Variants in BICC1 observed in about 807,000 individuals in gnomAD.
BICC1 encodes the protein protein bicaudal C homolog 1.
Under a neutral mutation model 111.0 loss-of-function variants are expected in BICC1, and 43 were observed. The ratio of observed to expected loss-of-function variants is 0.39; its 90% CI spans 0.30 to 0.50. BICC1 has a LOEUF of 0.50. Ranked by LOEUF, BICC1 falls within the 20% of genes least tolerant of loss-of-function variation. BICC1 has a pLI of 0.88. For synonymous variants in BICC1, 467 were observed against 434.4 expected (o/e 1.07, Z -0.93); for missense variants, 1,091 against 1,203.2 (o/e 0.91, Z 1.38).
chr10:58,785,105 G>A, intron 4 of BICC1, 25 bp downstream of exon 4: 1 of 1,432,654 alleles, frequency 7.0e-7, no homozygotes. Context: ...AGGACACTCA[G>A]ATGTCAGAAC....
At chr10:58,613,585 A>G (rs2132114627) in intron 1 of BICC1, among the ~76,000 whole-genome samples, 1 of 152,286 alleles carries the variant, frequency 6.6e-6, no homozygotes, top group East Asian at 1.9e-4. Context: ...CCAGCTCTCT[A>G]ATGGTCTCCA....
chr10:58,779,905 T>A (rs1312877872), intron 3 of BICC1, among the ~76,000 whole-genome samples: 1 of 152,240 alleles, frequency 6.6e-6, no homozygotes, highest in Non-Finnish European at 1.5e-5. Context: ...CTGAGATTTT[T>A]TTCACAAAAT....
intron 1 of BICC1, among the ~76,000 whole-genome samples, chr10:58,523,591 A>G (rs1018497698): frequency 4.6e-5 from 7 of 152,230 alleles, no homozygotes; most frequent in Non-Finnish European, 7.3e-5. Flanking sequence ...ACCCACAGCC[A>G]GTATCATATT....
chr10:58,587,386 A>G (rs984495505), intron 1 of BICC1, among the ~76,000 whole-genome samples: 7 of 152,228 alleles, frequency 4.6e-5, no homozygotes, highest in African/African-American at 1.4e-4. Context: ...CCTATGGCCC[A>G]GATGCTTTAT....
intron 1 of BICC1, among the ~76,000 whole-genome samples, chr10:58,576,842 G>GA (rs1844127569): frequency 6.6e-6 from 1 of 152,146 alleles, no homozygotes; most frequent in Non-Finnish European, 1.5e-5. Flanking sequence ...TAATGAGAGA[G>GA]AAAGAAAGTT....
intron 2 of BICC1, among the ~76,000 whole-genome samples, chr10:58,692,311 C>T (rs1839933885): frequency 6.6e-6 from 1 of 152,090 alleles, no homozygotes; most frequent in African/African-American, 2.4e-5. Context: ...TTAGCTAAGC[C>T]TGCCTATAGT....
chr10:58,562,797 G>A (rs1843645729), intron 1 of BICC1, among the ~76,000 whole-genome samples: 1 of 151,910 alleles, frequency 6.6e-6, no homozygotes, highest in South Asian at 2.1e-4. Flanking sequence ...GTTTGGTAGA[G>A]TGTTTTCATT....
Position 58,798,443 on chromosome 10 carries a change from C to T in BICC1, c.1411C>T (p.Pro471Ser), listed in dbSNP as rs1278706921. The T allele has an allele frequency of 1.9e-6, 3 of 1,612,524 alleles. No homozygotes were observed. ...CTTATCTCTGAACACTTCAACAACC[C>T]CAAACTCACTCTTGAATGCTCTTAA... ...TTLSLNTSTT[P>S]NSLLNALNSS... The change falls in exon 11 of 21, where the codon CCA becomes TCA. Residue 471 changes from proline to serine, a missense_variant. By Grantham distance (74) the Pro-to-Ser change is moderately conservative. Around this residue, in one of 3 missense-constraint regions of BICC1, gnomAD observed 843 missense variants for 900.8 expected, o/e 0.94. Coordinates refer to ENST00000373886, the MANE Select transcript of BICC1 (RefSeq NM_001080512.3).
intron 2 of BICC1, among the ~76,000 whole-genome samples, chr10:58,636,590 CCTCCTCCTCCTT>C (rs1438401792): frequency 6.6e-6 from 1 of 151,888 alleles, no homozygotes; most frequent in Non-Finnish European, 1.5e-5. Context: ...GTCTCCTCCT[CCTCCTCCTCCTT>C]CTCCCTTTTT....
chr10:58,542,167 C>CAAAAAAAAA (rs796757686), intron 1 of BICC1, among the ~76,000 whole-genome samples: 1 of 91,518 alleles, frequency 1.1e-5, no homozygotes, highest in Non-Finnish European at 2.4e-5. Flanking sequence ...AAAAAAAAAA[C>CAAAAAAAAA]AAAAAAAAAA....
chr10:58,644,545 G>A (rs201530921), intron 2 of BICC1, among the ~76,000 whole-genome samples: 2 of 152,172 alleles, frequency 1.3e-5, no homozygotes, highest in South Asian at 4.1e-4. Context: ...TATCCTATAC[G>A]TGCCTTGTGG....
intron 14 of BICC1, 114 bp downstream of exon 14, chr10:58,801,160 G>T: frequency 1.1e-6 from 1 of 928,180 alleles, no homozygotes; most frequent in Non-Finnish European, 1.5e-6. Context: ...ATCCATGGGT[G>T]TTTTCATTTT....
intron 2 of BICC1, among the ~76,000 whole-genome samples, chr10:58,660,338 C>A (rs2132285850): frequency 6.6e-6 from 1 of 152,214 alleles, no homozygotes; most frequent in Non-Finnish European, 1.5e-5. Context: ...ACATTTCCTG[C>A]CCTAAAATCA....
intron 10 of BICC1, among the ~76,000 whole-genome samples, chr10:58,797,130 G>A (rs990720293): frequency 1.3e-5 from 2 of 152,144 alleles, no homozygotes; most frequent in African/African-American, 4.8e-5. Flanking sequence ...TAATAGTCAT[G>A]GTGATATTTA....
At chr10:58,805,309 ACAAAC>A (rs1843677487) in intron 15 of BICC1, among the ~76,000 whole-genome samples, 3 of 147,766 alleles carry the variant, frequency 2.0e-5, no homozygotes, top group South Asian at 2.1e-4. Flanking sequence ...AAACAAACAA[ACAAAC>A]AAAAAAACTG....
intron 1 of BICC1, among the ~76,000 whole-genome samples, chr10:58,519,097 C>T (rs891426190): frequency 1.3e-5 from 2 of 152,168 alleles, no homozygotes; most frequent in Non-Finnish European, 2.9e-5. Context: ...GTCCAGGCTC[C>T]AAGAGCTGCT....
At chr10:58,757,201 G>A (rs775422338) in intron 3 of BICC1, among the ~76,000 whole-genome samples, 10 of 152,152 alleles carry the variant, frequency 6.6e-5, no homozygotes, top group Non-Finnish European at 1.0e-4. Context: ...CATGAAATCA[G>A]CCACCTTGTT....
intron 2 of BICC1, among the ~76,000 whole-genome samples, chr10:58,696,219 T>A (rs2132429149): frequency 6.6e-6 from 1 of 152,210 alleles, no homozygotes; most frequent in South Asian, 2.1e-4. Context: ...ATTTATAAAA[T>A]TTAAATATAA....
chr10:58,683,595 A>G (rs1033897685), intron 2 of BICC1, among the ~76,000 whole-genome samples: 2 of 152,146 alleles, frequency 1.3e-5, no homozygotes, highest in African/African-American at 2.4e-5. Flanking sequence ...GAGGTCCTTC[A>G]CAAACTTTTA....
Sources: allele counts gnomAD v4.1 joint callset (sites outside exome capture counted in the v4.1 genomes callset), GRCh38; gene constraint gnomAD v4.1.1; regional missense constraint gnomAD v4.1.1; transcripts MANE v1.5; gene names NCBI Gene and HGNC (gene_info 2026-07-23, HGNC 2026-07-21).